Variants in FAM120B observed in about 807,000 individuals in gnomAD.
The protein encoded by FAM120B is family with sequence similarity 120 member B, also known as constitutive coactivator of peroxisome proliferator-activated receptor gamma.
FAM120B carries 83 observed loss-of-function variants against 96.3 expected under a neutral mutation model. The ratio of observed to expected loss-of-function variants is 0.86; its 90% CI spans 0.72 to 1.03. The LOEUF (loss-of-function observed/expected upper bound fraction) is 1.03, where lower values mean the gene tolerates loss of function less well. Ranked by LOEUF, FAM120B falls within the 50% of genes least tolerant of loss-of-function variation. The pLI is 0.00. For synonymous variants in FAM120B, 407 were observed against 402.7 expected (o/e 1.01, Z -0.13); for missense variants, 1,027 against 1,121.2 (o/e 0.92, Z 1.20).
At chr6:170,397,808 T>A (rs963307918) in intron 9 of FAM120B, among the ~76,000 whole-genome samples, 1 of 152,158 alleles carries the variant, frequency 6.6e-6, no homozygotes, top group Non-Finnish European at 1.5e-5. Context: ...TGAAAGCTGT[T>A]GGCCCCTCTA....
intron 1 of FAM120B, among the ~76,000 whole-genome samples, chr6:170,313,266 A>G (rs1784703000): frequency 6.6e-6 from 1 of 152,152 alleles, no homozygotes; most frequent in African/African-American, 2.4e-5. Context: ...TTCTCACCCA[A>G]CTGGTGTTTA....
At chr6:170,338,402 G>A (rs1273366975) in intron 4 of FAM120B, among the ~76,000 whole-genome samples, 1 of 152,130 alleles carries the variant, frequency 6.6e-6, no homozygotes, top group African/African-American at 2.4e-5. Context: ...GAGACTGTTT[G>A]TTATGATTTC....
chr6:170,366,678 G>T (rs1788822930), intron 6 of FAM120B, among the ~76,000 whole-genome samples: 1 of 152,232 alleles, frequency 6.6e-6, no homozygotes, highest in African/African-American at 2.4e-5. Context: ...CGAAGGCTTA[G>T]AGGGTGAAAG....
chr6:170,296,516 G>A (rs1300867193), intron 1 of FAM120B, among the ~76,000 whole-genome samples: 1 of 151,794 alleles, frequency 6.6e-6, no homozygotes, highest in Non-Finnish European at 1.5e-5. Context: ...GCAGCCTCGC[G>A]CCCGGCCGCC....
At chr6:170,359,719 G>C (rs1788216082) in intron 6 of FAM120B, among the ~76,000 whole-genome samples, 1 of 152,164 alleles carries the variant, frequency 6.6e-6, no homozygotes, top group Non-Finnish European at 1.5e-5. Context: ...GATTATAGGT[G>C]TGAGCCACCA....
intron 9 of FAM120B, among the ~76,000 whole-genome samples, chr6:170,397,274 T>C (rs1217936974): frequency 6.6e-6 from 1 of 152,128 alleles, no homozygotes; most frequent in Non-Finnish European, 1.5e-5. Context: ...TAGGTCCAAA[T>C]GGGTGGGTAG....
chr6:170,362,151 T>C (rs1357100880), intron 6 of FAM120B, among the ~76,000 whole-genome samples: 1 of 152,226 alleles, frequency 6.6e-6, no homozygotes, highest in Admixed American at 6.5e-5. Context: ...AATTATATTA[T>C]GGACCAGTAA....
intron 5 of FAM120B, among the ~76,000 whole-genome samples, chr6:170,356,041 G>A (rs1280113357): frequency 6.6e-6 from 1 of 152,158 alleles, no homozygotes; most frequent in Non-Finnish European, 1.5e-5. Context: ...TGGTCACGCA[G>A]CGCAGTTCTA....
At position 170,391,094 on chromosome 6, in the gene FAM120B, C is replaced by T. The variant is rs777519285; in HGVS notation, c.2572C>T (p.Arg858Ter). Reference sequence around the variant, plus strand: ...GAAGGAGAACAGACGCATCACTGGCCGAGCCCACTGGGGCTCACACCACGC... The same window carrying T: ...GAAGGAGAACAGACGCATCACTGGCTGAGCCCACTGGGGCTCACACCACGC... ...CMKENRRITG[R>*]AHWGSHHAGR... Residue 858 changes from arginine to a stop codon, truncating the protein, a stop_gained, in exon 8 of 11, where the codon CGA (arginine) becomes TGA (stop). Transcript: ENST00000476287. LOFTEE classifies it high-confidence loss of function. The T allele has an allele frequency of 8.1e-6, 13 of 1,614,086 alleles. No homozygotes were observed. The highest frequency in any genetic ancestry group is 1.1e-5 in the South Asian group (1 of 91,074).
At chr6:170,354,588 C>T (rs1787778508) in intron 5 of FAM120B, among the ~76,000 whole-genome samples, 1 of 151,826 alleles carries the variant, frequency 6.6e-6, no homozygotes, top group Non-Finnish European at 1.5e-5. Flanking sequence ...AAAAACAATC[C>T]CATTAAAAAG....
At chr6:170,304,093 CT>C, upstream of FAM120B, among the ~76,000 whole-genome samples, 1 of 152,318 alleles carries the variant, frequency 6.6e-6, no homozygotes, top group African/African-American at 2.4e-5. Context: ...TATCCTCTTT[CT>C]TGGCTAATTT....
rs189117867 is a variant in FAM120B at position 170,344,120 on chromosome 6, C to G, written c.2018-4031C>G. Reference sequence around the variant, plus strand: ...GTCCATTCACCTGCACCGTTGCCTGCGGTGCTAGCCTCTCACTCGTTCCTG... The same window carrying G: ...GTCCATTCACCTGCACCGTTGCCTGGGGTGCTAGCCTCTCACTCGTTCCTG... On this transcript the variant is annotated intron_variant, in intron 4 of 10. Transcript: ENST00000476287. 1.4e-3 allele frequency among the ~76,000 whole-genome samples: 195 copies of G among 135,486 alleles called. 1 individual carries two copies. The highest frequency in any genetic ancestry group is 5.3e-3 in the African/African-American group (185 of 34,646). The allele number at this position is 135,486 out of a possible 152,430, so 88.9% of individuals were successfully genotyped here. A position where few individuals can be genotyped will look rare whatever the true frequency, so the allele number is the denominator to read the frequency against.
At chr6:170,332,787 C>T (rs1786145801) in intron 4 of FAM120B, among the ~76,000 whole-genome samples, 1 of 152,158 alleles carries the variant, frequency 6.6e-6, no homozygotes, top group South Asian at 2.1e-4. Context: ...CCATTAGAGC[C>T]AGTTTTTCCC....
intron 6 of FAM120B, among the ~76,000 whole-genome samples, chr6:170,387,936 C>T (rs1236304857): frequency 6.6e-6 from 1 of 152,148 alleles, no homozygotes; most frequent in Non-Finnish European, 1.5e-5. Context: ...CAGTTTTCAC[C>T]ATTTCTGTTC....
chr6:170,291,806 T>A (rs772922562), upstream of FAM120B, among the ~76,000 whole-genome samples: 1 of 151,830 alleles, frequency 6.6e-6, no homozygotes, highest in Admixed American at 6.6e-5. Context: ...GGACAGCATA[T>A]CCCCGGAGCC....
At chr6:170,345,760 A>T (rs1348572644) in intron 4 of FAM120B, among the ~76,000 whole-genome samples, 1 of 152,210 alleles carries the variant, frequency 6.6e-6, no homozygotes, top group Non-Finnish European at 1.5e-5. Flanking sequence ...CATCTCATGG[A>T]GTCTGAACCT....
intron 6 of FAM120B, among the ~76,000 whole-genome samples, chr6:170,383,723 G>A (rs1405446993): frequency 6.6e-6 from 1 of 152,188 alleles, no homozygotes; most frequent in Non-Finnish European, 1.5e-5. Flanking sequence ...CTGGAAAACA[G>A]TTTGGCCGTT....
chr6:170,315,590 G>C (rs190300661), intron 1 of FAM120B, among the ~76,000 whole-genome samples: 4 of 152,186 alleles, frequency 2.6e-5, no homozygotes, highest in African/African-American at 9.6e-5. Context: ...TAGTGATTTG[G>C]TGTAGATGTG....
At chr6:170,316,993 A>G (rs1784942074) in intron 1 of FAM120B, among the ~76,000 whole-genome samples, 1 of 152,242 alleles carries the variant, frequency 6.6e-6, no homozygotes, top group African/African-American at 2.4e-5. Flanking sequence ...TGGTGTTTCA[A>G]TTTATGTTTT....
Sources: gnomAD v4.1 joint callset for allele counts (sites outside exome capture counted in the v4.1 genomes callset) on GRCh38, gnomAD v4.1.1 for gene constraint, MANE v1.5 for transcripts, NCBI Gene and HGNC (gene_info 2026-07-23, HGNC 2026-07-21) for gene names.